Variants in DCDC2 observed in about 807,000 individuals in gnomAD.
The protein encoded by DCDC2 is doublecortin domain-containing protein 2.
DCDC2 carries 40 observed loss-of-function variants against 50.2 expected under a neutral mutation model. The ratio of observed to expected loss-of-function variants is 0.80; its 90% CI spans 0.62 to 1.04. The LOEUF is 1.04. Among genes scored for constraint, DCDC2 ranks in the 50% least tolerant of loss-of-function variants. DCDC2 has a pLI of 0.00. For synonymous variants in DCDC2, 234 were observed against 210.6 expected (o/e 1.11, Z -0.96); for missense variants, 570 against 581.9 (o/e 0.98, Z 0.21).
chr6:24,358,756 T>TA (rs1760535690), upstream of DCDC2, among the ~76,000 whole-genome samples: 2 of 99,022 alleles, frequency 2.0e-5, no homozygotes, highest in East Asian at 4.8e-4. Flanking sequence ...TTTATTTATT[T>TA]ATATATTATA....
intron 6 of DCDC2, among the ~76,000 whole-genome samples, chr6:24,285,504 T>A (rs1002315345): frequency 1.3e-5 from 2 of 152,136 alleles, no homozygotes; most frequent in Non-Finnish European, 2.9e-5. Context: ...AGACCACGAG[T>A]ATCAGAGAGA....
intron 6 of DCDC2, among the ~76,000 whole-genome samples, chr6:24,280,374 T>A (rs1763445367): frequency 6.6e-6 from 1 of 151,268 alleles, no homozygotes; most frequent in African/African-American, 2.5e-5. Flanking sequence ...AGGGGTTTTT[T>A]TTTTTTTTCT....
intron 7 of DCDC2, among the ~76,000 whole-genome samples, chr6:24,262,251 T>C (rs915016686): frequency 6.6e-6 from 1 of 151,242 alleles, no homozygotes; most frequent in African/African-American, 2.4e-5. Context: ...GAAAGCAACA[T>C]GGGGCAGAAT....
intron 6 of DCDC2, among the ~76,000 whole-genome samples, chr6:24,285,535 T>C (rs776498814): frequency 6.6e-6 from 1 of 152,192 alleles, no homozygotes; most frequent in Non-Finnish European, 1.5e-5. Context: ...TTTGCGCTCA[T>C]TGCTGTATCC....
the DCDC2 span, among the ~76,000 whole-genome samples, chr6:24,368,129 TA>T: frequency 2.0e-5 from 3 of 149,356 alleles, no homozygotes; most frequent in Admixed American, 1.3e-4. Context: ...GGACTTCAGT[TA>T]AAAAAAAAGA....
At position 24,174,658 on chromosome 6, in the gene DCDC2, A is replaced by G. The variant is rs371713513; in HGVS notation, c.*72T>C. 2 of 1,027,472 alleles carry G rather than the reference A, an allele frequency of 1.9e-6. No homozygotes were observed. Among genetic ancestry groups the G allele is most frequent in the African/African-American group, 1.6e-5 (1 of 63,478 alleles). 63.6% of individuals were successfully genotyped at this position (1,027,472 alleles called of 1,614,324 possible). A position where few individuals can be genotyped will look rare whatever the true frequency, so the allele number is the denominator to read the frequency against. ...TGTCACATTATATTCAGCAATAACT[A>G]TGTGCTTATCTTTCAAGTATGATAA... is the stretch of plus-strand genomic sequence containing the variant. On this transcript the variant is annotated 3_prime_UTR_variant, in exon 10 of 10. Coordinates refer to ENST00000378454, the MANE Select transcript of DCDC2 (RefSeq NM_016356.5).
intron 7 of DCDC2, among the ~76,000 whole-genome samples, chr6:24,263,459 T>C (rs1763054696): frequency 6.6e-6 from 1 of 152,110 alleles, no homozygotes; most frequent in South Asian, 2.1e-4. Flanking sequence ...TCAAAATACC[T>C]GTTTTGAGCA....
At chr6:24,334,307 GT>G (rs1166139276) in intron 2 of DCDC2, among the ~76,000 whole-genome samples, 1 of 152,228 alleles carries the variant, frequency 6.6e-6, no homozygotes, top group Non-Finnish European at 1.5e-5. Flanking sequence ...ATAGCTCTGA[GT>G]TTTTGCTTAG....
intron 7 of DCDC2, among the ~76,000 whole-genome samples, chr6:24,236,490 G>T (rs1396797493): frequency 6.6e-6 from 1 of 152,164 alleles, no homozygotes; most frequent in Non-Finnish European, 1.5e-5. Context: ...CCTTGGCAAA[G>T]AATTTATGGC....
chr6:24,253,632 G>A (rs1489265093), intron 7 of DCDC2, among the ~76,000 whole-genome samples: 2 of 152,078 alleles, frequency 1.3e-5, no homozygotes, highest in East Asian at 1.9e-4. Context: ...GAGTACTGTA[G>A]GCAACTATAA....
intron 2 of DCDC2, among the ~76,000 whole-genome samples, chr6:24,345,281 C>G (rs1413522748): frequency 1.3e-5 from 2 of 152,154 alleles, no homozygotes; most frequent in South Asian, 2.1e-4. Context: ...CCAACCAAAG[C>G]CTTTAAGTAG....
chr6:24,371,273 T>G, the DCDC2 span, among the ~76,000 whole-genome samples: 1 of 22,214 alleles, frequency 4.5e-5, no homozygotes, highest in Non-Finnish European at 8.1e-5. Flanking sequence ...TGACACTCCA[T>G]CTCAAAAAAA....
At chr6:24,302,066 A>T (rs1431101300) in intron 2 of DCDC2, 22 bp from the exon 3 acceptor site, 5 of 1,594,612 alleles carry the variant, frequency 3.1e-6, no homozygotes, top group East Asian at 2.2e-5. Flanking sequence ...AAGGAAAAAA[A>T]ATATAAACCA....
At chr6:24,220,899 C>CGA (rs71002476) in intron 7 of DCDC2, among the ~76,000 whole-genome samples, 4 of 115,836 alleles carry the variant, frequency 3.5e-5, no homozygotes, top group Admixed American at 8.4e-5. Context: ...AGTGAGCGAG[C>CGA]GAGCGAGAGA....
chr6:24,364,842 G>A, the DCDC2 span, among the ~76,000 whole-genome samples: 17 of 152,204 alleles, frequency 1.1e-4, 1 homozygote, highest in East Asian at 2.3e-3. Context: ...CACCTACACA[G>A]GAAACCAAGC....
intron 9 of DCDC2, among the ~76,000 whole-genome samples, chr6:24,177,186 T>C (rs1420415398): frequency 6.6e-6 from 1 of 152,214 alleles, no homozygotes; most frequent in Non-Finnish European, 1.5e-5. Context: ...CGCTGAGGAC[T>C]ATGTAGAACT....
chr6:24,218,013 A>T (rs2113772067), intron 7 of DCDC2, among the ~76,000 whole-genome samples: 1 of 152,366 alleles, frequency 6.6e-6, no homozygotes, highest in African/African-American at 2.4e-5. Context: ...ATTTTATTTA[A>T]ACAGCCTAAC....
In DCDC2 at chr6:24,178,392, CATT is replaced by C; in HGVS notation, c.1261_1263del (p.Asn421del). The C allele has an allele frequency of 6.2e-7, 1 of 1,614,186 alleles. No homozygotes were observed. Among genetic ancestry groups the C allele is most frequent in the Non-Finnish European group, 8.5e-7 (1 of 1,180,034 alleles). ...TCCTTGTCTAGGACCAGTTGAAGCT[CATT>C]ATTAACCTGCTGCAGCTCCTCACCA... On this transcript the variant is annotated inframe_deletion, in exon 9 of 10. Transcript: ENST00000378454.
intron 7 of DCDC2, among the ~76,000 whole-genome samples, chr6:24,235,778 T>G (rs1762430240): frequency 6.6e-6 from 1 of 152,124 alleles, no homozygotes; most frequent in African/African-American, 2.4e-5. Context: ...ACAAAAGCAC[T>G]GTACAAAAAT....
Sources: gnomAD v4.1 joint callset for allele counts (sites outside exome capture counted in the v4.1 genomes callset) on GRCh38, gnomAD v4.1.1 for gene constraint, MANE v1.5 for transcripts, NCBI Gene and HGNC (gene_info 2026-07-23, HGNC 2026-07-21) for gene names.